TCAIM: variants seen among roughly 807,000 people sequenced by gnomAD.
TCAIM encodes the protein T-cell activation inhibitor, mitochondrial.
TCAIM carries 36 observed loss-of-function variants against 58.6 expected under a neutral mutation model. That is an observed-to-expected ratio of 0.61 (90% CI 0.47 to 0.81). The LOEUF (loss-of-function observed/expected upper bound fraction) is 0.81, where lower values mean the gene tolerates loss of function less well. TCAIM is among the 30% of genes least tolerant of loss of function. TCAIM has a pLI of 0.00. For missense variants in TCAIM, 466 were observed against 579.6 expected (o/e 0.80, Z 2.01); for synonymous variants, 172 against 193.6 (o/e 0.89, Z 0.93).
intron 5 of TCAIM, among the ~76,000 whole-genome samples, chr3:44,372,760 A>AT (rs1169295694): frequency 6.6e-6 from 1 of 151,568 alleles, no homozygotes; most frequent in Non-Finnish European, 1.5e-5. Flanking sequence ...CACCCGGCTA[A>AT]TTTTTTTGTA....
chr3:44,361,413 C>T lies in TCAIM; in HGVS notation c.214C>T (p.Leu72Phe). Residue 72 changes from leucine to phenylalanine, a missense_variant, in exon 4 of 11, where the codon CTC becomes TTC. Transcript: ENST00000342649. Reference sequence around the variant, plus strand: ...AAGGTTAAGTGTCTACCTAGAAAACCTCCAGAAACCAGGCTTCAAGTCTTT... The same window carrying T: ...AAGGTTAAGTGTCTACCTAGAAAACTTCCAGAAACCAGGCTTCAAGTCTTT... ...LKRLSVYLENLQKPGFKSLKP... is the reference protein window; with the variant it reads ...LKRLSVYLENFQKPGFKSLKP... The T allele has an allele frequency of 6.2e-7, 1 of 1,612,428 alleles. No homozygotes were observed. The highest frequency in any genetic ancestry group is 8.5e-7 in the Non-Finnish European group (1 of 1,179,362).
chr3:44,373,493 A>G (rs144757229), intron 5 of TCAIM, among the ~76,000 whole-genome samples: 2 of 19,412 alleles, frequency 1.0e-4, no homozygotes, highest in Non-Finnish European at 2.6e-4. Context: ...CATCTCTATT[A>G]AAAAAAAAAA....
At chr3:44,393,838 A>G (rs563839794) in intron 6 of TCAIM, among the ~76,000 whole-genome samples, 7 of 152,324 alleles carry the variant, frequency 4.6e-5, no homozygotes, top group African/African-American at 1.4e-4. Context: ...TGGATGTTGT[A>G]TTCTTGGTTT....
intron 3 of TCAIM, chr3:44,358,202 T>C: frequency 1.6e-6 from 1 of 619,158 alleles, no homozygotes; most frequent in Non-Finnish European, 2.3e-6. Flanking sequence ...TCTCTCTCTC[T>C]TTTTTTTTTT....
intron 3 of TCAIM, chr3:44,359,128 G>A (rs1472506318): frequency 6.2e-6 from 6 of 966,458 alleles, no homozygotes; most frequent in African/African-American, 1.8e-5. Flanking sequence ...TGGCACACCT[G>A]TAGTCCCAGC....
intron 1 of TCAIM, among the ~76,000 whole-genome samples, chr3:44,353,476 G>GT (rs1186314019): frequency 6.6e-6 from 1 of 152,190 alleles, no homozygotes; most frequent in Non-Finnish European, 1.5e-5. Flanking sequence ...GTAAGAGTAT[G>GT]TTTAGTTTTG....
At chr3:44,399,636 C>G (rs956170510) in intron 8 of TCAIM, among the ~76,000 whole-genome samples, 1 of 152,122 alleles carries the variant, frequency 6.6e-6, no homozygotes. Context: ...TTTCATGGTT[C>G]CATATTTGCA....
At chr3:44,341,423 ACTAG>A (rs1700852722) in intron 1 of TCAIM, 1 of 152,022 alleles carries the variant, frequency 6.6e-6, no homozygotes, top group African/African-American at 2.4e-5. Context: ...AAAGTAAACA[ACTAG>A]CTATTTTTTA....
At position 44,407,936 on chromosome 3, in the gene TCAIM, A is replaced by G; in HGVS notation, c.*254A>G. 1 of 291,824 alleles carries G rather than the reference A, an allele frequency of 3.4e-6. No individual in the cohort carries two copies. The highest frequency in any genetic ancestry group is 6.3e-6 in the Non-Finnish European group (1 of 159,224). The allele number at this position is 291,824 out of a possible 1,614,324, so 18.1% of individuals were successfully genotyped here. ...AGGATCACTTGAGCCCAGGAGGCCA[A>G]GGTTGCAGTGGGCCCAGATTGCACC... is the stretch of plus-strand genomic sequence containing the variant. On this transcript the variant is annotated 3_prime_UTR_variant, in exon 11 of 11. Transcript: ENST00000342649.
chr3:44,389,515 G>C (rs1050215830), intron 5 of TCAIM, among the ~76,000 whole-genome samples: 16 of 152,258 alleles, frequency 1.1e-4, no homozygotes, highest in African/African-American at 3.9e-4. Flanking sequence ...TAATTCATAT[G>C]TCAATAAATC....
intron 2 of TCAIM, among the ~76,000 whole-genome samples, chr3:44,355,860 G>A (rs1559562774): frequency 1.3e-5 from 2 of 152,210 alleles, no homozygotes; most frequent in Admixed American, 6.5e-5. Flanking sequence ...AATTTGAGCA[G>A]CTGGCAGGAG....
intron 10 of TCAIM, among the ~76,000 whole-genome samples, chr3:44,405,060 C>G (rs982439243): frequency 6.6e-6 from 1 of 152,092 alleles, no homozygotes; most frequent in Non-Finnish European, 1.5e-5. Context: ...GCTCCTGTCT[C>G]TTGGCATTGC....
intron 10 of TCAIM, among the ~76,000 whole-genome samples, chr3:44,402,144 C>G (rs1702030615): frequency 6.6e-6 from 1 of 152,166 alleles, no homozygotes; most frequent in African/African-American, 2.4e-5. Context: ...GTGGCTCAAG[C>G]CTGTAATCCC....
In TCAIM at chr3:44,400,549, C is replaced by T. The variant is rs753759285; in HGVS notation, c.1080C>T (p.His360=). The change falls in exon 9 of 11, where the codon CAC becomes CAT. Residue 360 remains histidine, a synonymous_variant. Coordinates refer to ENST00000342649, the MANE Select transcript of TCAIM (RefSeq NM_173826.4). ...TGTTGAAAAGTAGAATACTATTTCA[C>T]CCTCGAAGTTTGCGTGGTTTACAAA... The part of the protein sequence containing the change: ...NRLLKSRILF[H]PRSLRGLQMI... 2 of 1,613,332 alleles carry T rather than the reference C, an allele frequency of 1.2e-6. No homozygotes were observed. The highest frequency in any genetic ancestry group is 2.7e-5 in the African/African-American group (2 of 74,880).
intron 1 of TCAIM, among the ~76,000 whole-genome samples, chr3:44,349,882 C>T (rs926265773): frequency 1.3e-5 from 2 of 152,120 alleles, no homozygotes; most frequent in African/African-American, 4.8e-5. Flanking sequence ...GCCGCTTACC[C>T]GATTTAAAAT....
intron 5 of TCAIM, among the ~76,000 whole-genome samples, chr3:44,381,604 A>C (rs1388535872): frequency 6.6e-6 from 1 of 152,148 alleles, no homozygotes; most frequent in Non-Finnish European, 1.5e-5. Context: ...CACCACTTCT[A>C]TTCATCATAC....
At position 44,357,730 on chromosome 3, in the gene TCAIM, C is replaced by G; in HGVS notation, c.30-11C>G. The G allele has an allele frequency of 6.2e-7, 1 of 1,613,428 alleles. No homozygotes were observed. The highest frequency in any genetic ancestry group is 8.5e-7 in the Non-Finnish European group (1 of 1,179,764). ...GCCTCAATGAATAACCAGTCCACATCTTTTTAAAAGGTTATGTCTAGAGAA... is the reference window on the plus strand; with the variant it reads ...GCCTCAATGAATAACCAGTCCACATGTTTTTAAAAGGTTATGTCTAGAGAA... On this transcript the variant is annotated splice_polypyrimidine_tract_variant and intron_variant, in intron 2 of 10. Coordinates refer to ENST00000342649, the MANE Select transcript of TCAIM (RefSeq NM_173826.4).
chr3:44,338,667 G>C (rs1314932422), upstream of TCAIM: 4 of 152,416 alleles, frequency 2.6e-5, no homozygotes, highest in Non-Finnish European at 5.9e-5. Flanking sequence ...GCGAGGGCAG[G>C]TGGGAGCGCC....
chr3:44,344,322 G>A (rs936944), intron 1 of TCAIM, among the ~76,000 whole-genome samples: 131,124 of 152,206 alleles, frequency 0.86, 56,535 homozygotes, highest in Middle Eastern at 0.93. Flanking sequence ...AAATGCTTCT[G>A]AAATGTGCTA....
Sources: gnomAD v4.1 joint callset for allele counts (sites outside exome capture counted in the v4.1 genomes callset) on GRCh38, gnomAD v4.1.1 for gene constraint, MANE v1.5 for transcripts, NCBI Gene and HGNC (gene_info 2026-07-23, HGNC 2026-07-21) for gene names.